Variants in ZNF362 observed in about 807,000 individuals in gnomAD.
ZNF362 encodes the protein zinc finger protein 362, also known as rotund homolog.
A neutral mutation model predicts 42.9 loss-of-function variants in ZNF362; 11 were observed. The ratio of observed to expected loss-of-function variants is 0.26; its 90% CI spans 0.16 to 0.42. The LOEUF (loss-of-function observed/expected upper bound fraction) is 0.42. Ranked by LOEUF, ZNF362 falls within the 20% of genes least tolerant of loss-of-function variation. The pLI is 1.00. For missense variants in ZNF362, 362 were observed against 576.2 expected (o/e 0.63, Z 3.81); for synonymous variants, 255 against 257.3 (o/e 0.99, Z 0.09).
chr1:33,263,316 C>T (rs1032338416), intron 1 of ZNF362, among the ~76,000 whole-genome samples: 5 of 152,146 alleles, frequency 3.3e-5, no homozygotes, highest in Non-Finnish European at 7.4e-5. Context: ...AGGCTTTGTG[C>T]TAGATGCTGA....
At chr1:33,259,491 A>G (rs1645815516) in intron 1 of ZNF362, among the ~76,000 whole-genome samples, 1 of 152,212 alleles carries the variant, frequency 6.6e-6, no homozygotes, top group South Asian at 2.1e-4. Flanking sequence ...TCTCTCTGTA[A>G]AATGAGGAGC....
At chr1:33,250,846 A>AAGG in the ZNF362 span, among the ~76,000 whole-genome samples, 5 of 90,206 alleles carry the variant, frequency 5.5e-5, no homozygotes, top group South Asian at 3.9e-4. Flanking sequence ...AAGAAAGAAG[A>AAGG]AAGAAGGAAG....
At chr1:33,204,949 C>G in the ZNF362 span, among the ~76,000 whole-genome samples, 1 of 152,138 alleles carries the variant, frequency 6.6e-6, no homozygotes, top group Non-Finnish European at 1.5e-5. Context: ...AGGGATGAAT[C>G]TACAAGATAT....
chr1:33,220,951 T>C, the ZNF362 span, among the ~76,000 whole-genome samples: 2 of 152,010 alleles, frequency 1.3e-5, no homozygotes, highest in African/African-American at 4.8e-5. Flanking sequence ...CTGTGGGGAA[T>C]GTGGAAGGGT....
the ZNF362 span, among the ~76,000 whole-genome samples, chr1:33,203,842 G>T: frequency 6.6e-6 from 1 of 151,966 alleles, no homozygotes; most frequent in African/African-American, 2.4e-5. Context: ...ATTGTTTCTT[G>T]CTATTGAATT....
At chr1:33,193,737 G>A in the ZNF362 span, among the ~76,000 whole-genome samples, 1 of 152,334 alleles carries the variant, frequency 6.6e-6, no homozygotes, top group Admixed American at 6.5e-5. Context: ...GCCTGTTAGA[G>A]AAAGTCCCTT....
At chr1:33,194,681 C>CTATAATGT in the ZNF362 span, 1 of 151,996 alleles carries the variant, frequency 6.6e-6, no homozygotes, top group South Asian at 2.1e-4. Context: ...TGGAGATATA[C>CTATAATGT]TATAATGTTA....
At chr1:33,243,398 C>G in the ZNF362 span, among the ~76,000 whole-genome samples, 1 of 151,694 alleles carries the variant, frequency 6.6e-6, no homozygotes, top group Non-Finnish European at 1.5e-5. Context: ...GTTGGCCAGG[C>G]TGGTCTTGAA....
the ZNF362 span, among the ~76,000 whole-genome samples, chr1:33,202,322 C>T: frequency 6.6e-6 from 1 of 152,116 alleles, no homozygotes; most frequent in Non-Finnish European, 1.5e-5. Context: ...TCAGGCCGGG[C>T]GTGGTGGCTC....
At chr1:33,288,920 C>T (rs1646053475) in intron 6 of ZNF362, among the ~76,000 whole-genome samples, 1 of 151,976 alleles carries the variant, frequency 6.6e-6, no homozygotes, top group Admixed American at 6.6e-5. Flanking sequence ...GGACTGAAGA[C>T]AAGAGCTTTG....
chr1:33,149,139 T>G, the ZNF362 span, among the ~76,000 whole-genome samples: 3 of 152,180 alleles, frequency 2.0e-5, no homozygotes, highest in Non-Finnish European at 2.9e-5. Flanking sequence ...CTGAAATTCC[T>G]TTTGCCTCTT....
chr1:33,237,107 G>C, the ZNF362 span, among the ~76,000 whole-genome samples: 2 of 151,780 alleles, frequency 1.3e-5, no homozygotes, highest in African/African-American at 4.8e-5. Context: ...ACATCACATC[G>C]TACCTCATAA....
rs925301753 is a variant in ZNF362 at position 33,268,852 on chromosome 1, T to C, written c.-88-1635T>C. On this transcript the variant is annotated intron_variant, in intron 1 of 8. Coordinates refer to ENST00000539719, the MANE Select transcript of ZNF362 (RefSeq NM_152493.3). ...GGAAGTAGGGAGCTATGGAGGGTCC[T>C]AGGAAGGGCAGGGTTATGATCTTTT... is the stretch of plus-strand genomic sequence containing the variant. 3.9e-4 allele frequency among the ~76,000 whole-genome samples: 59 copies of C among 152,252 alleles called. 1 individual carries two copies. The highest frequency in any genetic ancestry group is 1.4e-3 in the African/African-American group (57 of 41,550).
the ZNF362 span, chr1:33,176,544 C>A: frequency 6.4e-6 from 4 of 624,984 alleles, no homozygotes; most frequent in Admixed American, 4.3e-5. Context: ...GGGTTAGGAA[C>A]CTGAGACGGC....
At chr1:33,188,046 C>T in the ZNF362 span, among the ~76,000 whole-genome samples, 2 of 152,042 alleles carry the variant, frequency 1.3e-5, no homozygotes, top group Non-Finnish European at 2.9e-5. Flanking sequence ...CCAGCCTGAC[C>T]AACATGGTGA....
At chr1:33,260,971 C>T (rs1043242233) in intron 1 of ZNF362, among the ~76,000 whole-genome samples, 2 of 152,164 alleles carry the variant, frequency 1.3e-5, no homozygotes, top group Non-Finnish European at 2.9e-5. Context: ...ACAAAGTGGA[C>T]TCTCACTGCC....
the ZNF362 span, chr1:33,147,451 C>T: frequency 1.2e-6 from 2 of 1,613,958 alleles, no homozygotes; most frequent in Non-Finnish European, 1.7e-6. This position sits in a 1 kb window ranked among gnomAD's most constrained non-coding sequence, Gnocchi z 8.1. Flanking sequence ...GCAGTAGAAG[C>T]CGCGGCTGGG....
intron 4 of ZNF362, among the ~76,000 whole-genome samples, chr1:33,278,979 A>T (rs1645970895): frequency 6.6e-6 from 1 of 152,182 alleles, no homozygotes. Context: ...AAATTTCTAG[A>T]AGTAGAATTG....
rs144974007 is a variant in ZNF362 at position 33,264,157 on chromosome 1, C to T, written c.-88-6330C>T. Among the ~76,000 whole-genome samples, 615 of 152,318 alleles carry T rather than the reference C, an allele frequency of 4.0e-3. 15 individuals carry two copies. In the East Asian group the frequency reaches 0.046, roughly 11 times the overall value. ...GTTCCCTGTCCAGGACCCCTGAGAC[C>T]TGTCTAGAAAGCTCCTGGGGGCCGG... On this transcript the variant is annotated intron_variant, in intron 1 of 8. Coordinates refer to ENST00000539719, the MANE Select transcript of ZNF362 (RefSeq NM_152493.3).
Sources: allele counts gnomAD v4.1 joint callset (sites outside exome capture counted in the v4.1 genomes callset), GRCh38; gene constraint gnomAD v4.1.1; non-coding constraint Gnocchi (gnomAD v3.1); transcripts MANE v1.5; gene names NCBI Gene and HGNC (gene_info 2026-07-23, HGNC 2026-07-21).